The following PDE1C variants were observed in gnomAD, a reference collection of about 807,000 sequenced individuals.
The protein encoded by PDE1C is phosphodiesterase 1C, also known as dual specificity calcium/calmodulin-dependent 3',5'-cyclic nucleotide phosphodiesterase 1C.
A neutral mutation model predicts 93.1 loss-of-function variants in PDE1C; 62 were observed. The ratio of observed to expected loss-of-function variants is 0.67; its 90% CI spans 0.54 to 0.82. PDE1C has a LOEUF of 0.82. PDE1C is among the 40% of genes least tolerant of loss of function. The pLI, the probability that PDE1C is intolerant of heterozygous loss-of-function variation, is 0.00. For missense variants in PDE1C, 742 were observed against 884.6 expected (o/e 0.84, Z 2.04); for synonymous variants, 325 against 310.1 (o/e 1.05, Z -0.50).
At chr7:32,092,009 G>T (rs1563305427) in intron 3 of PDE1C, among the ~76,000 whole-genome samples, 1 of 152,158 alleles carries the variant, frequency 6.6e-6, no homozygotes, top group Admixed American at 6.5e-5. Flanking sequence ...TGACTCCAAG[G>T]TTTTTGGCCC....
intron 7 of PDE1C, among the ~76,000 whole-genome samples, chr7:31,862,502 G>A (rs904966525): frequency 6.6e-6 from 1 of 152,256 alleles, no homozygotes; most frequent in African/African-American, 2.4e-5. Context: ...CAGTTCTGGA[G>A]GCTAGGAAGC....
At chr7:31,747,498 G>A (rs1794030606), downstream of PDE1C, among the ~76,000 whole-genome samples, 1 of 152,108 alleles carries the variant, frequency 6.6e-6, no homozygotes, top group Non-Finnish European at 1.5e-5. Context: ...CACTATGATT[G>A]TAATCACCTG....
intron 2 of PDE1C, among the ~76,000 whole-genome samples, chr7:31,902,636 G>A (rs1342097942): frequency 6.6e-6 from 1 of 151,626 alleles, no homozygotes; most frequent in Non-Finnish European, 1.5e-5. Flanking sequence ...CACTGTTCTG[G>A]CTATGGCAGC....
At chr7:32,183,501 T>C (rs1313664315) in intron 2 of PDE1C, among the ~76,000 whole-genome samples, 3 of 152,044 alleles carry the variant, frequency 2.0e-5, no homozygotes, top group Non-Finnish European at 4.4e-5. Flanking sequence ...ATGCCGCATA[T>C]CTACAACCAT....
chr7:31,749,951 T>A (rs1209833364), downstream of PDE1C, among the ~76,000 whole-genome samples: 1 of 152,054 alleles, frequency 6.6e-6, no homozygotes, highest in Non-Finnish European at 1.5e-5. Context: ...TTGGATAGGC[T>A]GGTCTCGAAC....
At chr7:31,907,011 G>C (rs1327790967) in intron 2 of PDE1C, among the ~76,000 whole-genome samples, 1 of 151,952 alleles carries the variant, frequency 6.6e-6, no homozygotes, top group Admixed American at 6.6e-5. Flanking sequence ...GAATGAAAGA[G>C]AGAAACTGAA....
chr7:32,124,369 G>C (rs1441021682), intron 3 of PDE1C, among the ~76,000 whole-genome samples: 1 of 152,084 alleles, frequency 6.6e-6, no homozygotes, highest in East Asian at 1.9e-4. Flanking sequence ...ATTTCATATG[G>C]AATCAAAGAA....
At chr7:32,070,460 C>A, upstream of PDE1C, 1 of 1,585,442 alleles carries the variant, frequency 6.3e-7, no homozygotes, top group Non-Finnish European at 8.6e-7. Context: ...CCCGTCTCCT[C>A]GCCCAGCTCG....
At chr7:32,240,461 T>G (rs972304318) in intron 1 of PDE1C, among the ~76,000 whole-genome samples, 2 of 152,142 alleles carry the variant, frequency 1.3e-5, no homozygotes, top group Admixed American at 6.5e-5. Context: ...TCAGATGGTG[T>G]TGTTTACTAT....
At chr7:31,953,726 CCT>C (rs1269121756) in intron 2 of PDE1C, among the ~76,000 whole-genome samples, 1 of 151,988 alleles carries the variant, frequency 6.6e-6, no homozygotes, top group East Asian at 1.9e-4. Context: ...TCTTGGCAAG[CCT>C]CTGTTTTGAG....
intron 2 of PDE1C, among the ~76,000 whole-genome samples, chr7:31,990,799 T>C (rs1245967309): frequency 6.6e-6 from 1 of 152,202 alleles, no homozygotes; most frequent in Non-Finnish European, 1.5e-5. Context: ...TGCTGGAGAT[T>C]CACATAGAGC....
chr7:32,319,027 C>G (rs1487595150), intron 1 of PDE1C, among the ~76,000 whole-genome samples: 1 of 152,236 alleles, frequency 6.6e-6, no homozygotes, highest in African/African-American at 2.4e-5. Context: ...CTCCCTTAAG[C>G]TGTTGCAAGG....
At chr7:32,185,767 T>G (rs1317249384) in intron 2 of PDE1C, among the ~76,000 whole-genome samples, 1 of 152,232 alleles carries the variant, frequency 6.6e-6, no homozygotes, top group Admixed American at 6.5e-5. Flanking sequence ...CAATTTAAAT[T>G]TGGAATAACT....
chr7:31,694,482 G>A, the PDE1C span, among the ~76,000 whole-genome samples: 1 of 151,872 alleles, frequency 6.6e-6, no homozygotes, highest in African/African-American at 2.4e-5. Context: ...AAATGAAGGT[G>A]CAAGTTCTCA....
At chr7:32,425,253 AG>A (rs1352533459) in intron 1 of PDE1C, among the ~76,000 whole-genome samples, 1 of 152,156 alleles carries the variant, frequency 6.6e-6, no homozygotes, top group African/African-American at 2.4e-5. Flanking sequence ...GTCCAGTAAA[AG>A]GCTACCTAGC....
chr7:32,207,912 C>T (rs1041150108), intron 2 of PDE1C, among the ~76,000 whole-genome samples: 4 of 152,246 alleles, frequency 2.6e-5, no homozygotes, highest in Admixed American at 2.6e-4. Context: ...CCCAGCACAG[C>T]CCTCACAGCG....
intron 1 of PDE1C, among the ~76,000 whole-genome samples, chr7:32,355,624 C>T (rs886662132): frequency 2.0e-5 from 3 of 152,204 alleles, no homozygotes; most frequent in African/African-American, 7.2e-5. Flanking sequence ...GCATTCCCTC[C>T]TCTAAGTTCC....
intron 16 of PDE1C, among the ~76,000 whole-genome samples, chr7:31,802,536 CT>C (rs1786199821): frequency 6.6e-6 from 1 of 151,592 alleles, no homozygotes; most frequent in Non-Finnish European, 1.5e-5. Context: ...TTGTACAGAT[CT>C]ATATTTTCAT....
At chr7:31,641,478 A>G in the PDE1C span, among the ~76,000 whole-genome samples, 1 of 102,078 alleles carries the variant, frequency 9.8e-6, no homozygotes, top group Non-Finnish European at 2.3e-5. Flanking sequence ...TAAAGAAGAG[A>G]AAAAAAAATC....
Sources: allele counts gnomAD v4.1 joint callset (sites outside exome capture counted in the v4.1 genomes callset), GRCh38; gene constraint gnomAD v4.1.1; transcripts MANE v1.5; gene names NCBI Gene and HGNC (gene_info 2026-07-23, HGNC 2026-07-21).